The following GIGYF2 variants were observed in gnomAD, a reference collection of about 807,000 sequenced individuals.
GIGYF2 encodes the protein GRB10-interacting GYF protein 2.
Under a neutral mutation model 208.1 loss-of-function variants are expected in GIGYF2, and 25 were observed. That is an observed-to-expected ratio of 0.12 (90% CI 0.09 to 0.17). The LOEUF (loss-of-function observed/expected upper bound fraction) is 0.17. Among genes scored for constraint, GIGYF2 ranks in the 10% least tolerant of loss-of-function variants. GIGYF2 has a pLI of 1.00. For synonymous variants in GIGYF2, 534 were observed against 543.8 expected (o/e 0.98, Z 0.25); for missense variants, 1,302 against 1,579.4 (o/e 0.82, Z 2.98).
intron 8 of GIGYF2, among the ~76,000 whole-genome samples, chr2:232,773,363 A>G (rs886076386): frequency 1.3e-5 from 2 of 152,196 alleles, no homozygotes; most frequent in Non-Finnish European, 2.9e-5. Context: ...CCATTTTCAG[A>G]TGAAGTCACT....
At chr2:232,829,070 A>T (rs1701337715) in intron 21 of GIGYF2, among the ~76,000 whole-genome samples, 1 of 152,168 alleles carries the variant, frequency 6.6e-6, no homozygotes, top group Non-Finnish European at 1.5e-5. Context: ...ATTTTTTCAA[A>T]ATTAGCCATG....
chr2:232,773,195 C>G (rs980119672), intron 8 of GIGYF2, among the ~76,000 whole-genome samples: 10 of 152,114 alleles, frequency 6.6e-5, no homozygotes, highest in African/African-American at 2.4e-4. Flanking sequence ...GGCATAGCTA[C>G]TTAATGACCC....
At chr2:232,811,417 G>T (rs2106385217) in intron 17 of GIGYF2, 66 bp downstream of exon 17, 1 of 949,104 alleles carries the variant, frequency 1.1e-6, no homozygotes, top group East Asian at 2.4e-5. Context: ...GAAGAAAGGA[G>T]AAATTCTGGT....
intron 2 of GIGYF2, among the ~76,000 whole-genome samples, chr2:232,706,783 A>C (rs1696131497): frequency 6.9e-6 from 1 of 143,918 alleles, no homozygotes; most frequent in Non-Finnish European, 1.5e-5. Flanking sequence ...CTGTCTCAAA[A>C]AATAAATAAA....
rs775636461 is a variant in GIGYF2, at chr2:232,839,929, C to G, written c.2847C>G (p.Ile949Met). 6.2e-7 allele frequency: 1 copy of G among 1,613,938 alleles called. No individual in the cohort carries two copies. The highest frequency in any genetic ancestry group is 8.5e-7 in the Non-Finnish European group (1 of 1,179,912). Residue 949 changes from isoleucine (I) to methionine (M), a missense_variant, in exon 23 of 29, where the codon ATC becomes ATG. Around this residue, in one of 8 missense-constraint regions of GIGYF2, gnomAD observed 701 missense variants for 793.0 expected, o/e 0.88. Coordinates refer to ENST00000373563, the MANE Select transcript of GIGYF2 (RefSeq NM_001103146.3). ...QSQATLSLAE[I>M]QKLEEERERQ... ...AGGCCACGCTGTCGTTGGCTGAAAT[C>G]CAAAAACTAGAGGAAGAACGAGAAC...
chr2:232,756,495 T>A (rs962564566), intron 6 of GIGYF2, among the ~76,000 whole-genome samples, 161 bp downstream of exon 6: 1 of 152,204 alleles, frequency 6.6e-6, no homozygotes, highest in Non-Finnish European at 1.5e-5. Context: ...TTTTTAGAGG[T>A]ATCTCCTCTA....
rs769022021 is a variant in GIGYF2, at chr2:232,850,301, G to A, written c.3724G>A (p.Val1242Ile). ...WGMNHSTLHS[V>I]FQTNQSNNQQ... ...GATGAACCACAGTACACTCCATTCA[G>A]TATTTCAGACCAATCAAAGCAACAA... Residue 1242 changes from valine (V) to isoleucine (I), a missense_variant, in exon 28 of 29, where the codon GTA (valine) becomes ATA (isoleucine). By Grantham distance (29) the Val-to-Ile change is conservative. Coordinates refer to ENST00000373563, the MANE Select transcript of GIGYF2 (RefSeq NM_001103146.3). 24 of 1,613,522 alleles carry A rather than the reference G, an allele frequency of 1.5e-5. No individual in the cohort carries two copies. The highest frequency in any genetic ancestry group is 1.8e-5 in the Non-Finnish European group (21 of 1,179,542).
chr2:232,722,475 G>A (rs1696991085), intron 2 of GIGYF2: 1 of 152,188 alleles, frequency 6.6e-6, no homozygotes, highest in Admixed American at 6.5e-5. Flanking sequence ...GGGGTTTACA[G>A]GGATTACAAT....
intron 20 of GIGYF2, 145 bp from the exon 21 acceptor site, chr2:232,819,682 A>T: frequency 1.6e-6 from 1 of 612,904 alleles, no homozygotes; most frequent in South Asian, 2.1e-5. Context: ...TATACTTTTT[A>T]CTCCAGATCA....
chr2:232,812,120 A>G (rs1009312540), intron 17 of GIGYF2, among the ~76,000 whole-genome samples: 3 of 152,200 alleles, frequency 2.0e-5, no homozygotes, highest in African/African-American at 4.8e-5. Flanking sequence ...TAAGATATAC[A>G]TATCTTTTAA....
chr2:232,808,773 A>C (rs577410813), intron 15 of GIGYF2, among the ~76,000 whole-genome samples: 3 of 152,174 alleles, frequency 2.0e-5, no homozygotes, highest in South Asian at 4.1e-4. Context: ...AACTTTTTAT[A>C]ATTTAAATTC....
chr2:232,801,239 A>G (rs1437906181), intron 14 of GIGYF2, among the ~76,000 whole-genome samples: 1 of 152,120 alleles, frequency 6.6e-6, no homozygotes, highest in Non-Finnish European at 1.5e-5. Context: ...TTAAATAGTC[A>G]TATAAGGGGC....
At chr2:232,769,498 T>TC (rs1699137269) in intron 8 of GIGYF2, among the ~76,000 whole-genome samples, 1 of 105,816 alleles carries the variant, frequency 9.5e-6, no homozygotes, top group African/African-American at 3.7e-5. Flanking sequence ...AGAGGAAGAC[T>TC]CCATCTCAAA....
Position 232,747,670 on chromosome 2 carries a change from T to C in GIGYF2, c.97T>C (p.Leu33=), listed in dbSNP as rs1206269686. Residue 33 remains leucine (L), a synonymous_variant, in exon 4 of 29, where the codon TTG becomes CTG. Coordinates refer to ENST00000373563, the MANE Select transcript of GIGYF2 (RefSeq NM_001103146.3). ...SITSPPLSPA[L]PKYKLADYRY... is the part of the protein sequence containing the mutation. ...TACATCCCCTCCTCTTTCTCCAGCA[T>C]TGCCGAAGTATAAATTAGCAGATTA... is the stretch of plus-strand genomic sequence containing the variant. The C allele has an allele frequency of 3.1e-6, 5 of 1,613,746 alleles. No homozygotes were observed. The highest frequency in any genetic ancestry group is 4.2e-6 in the Non-Finnish European group (5 of 1,179,758).
At chr2:232,802,491 A>G (rs1463522146) in intron 14 of GIGYF2, among the ~76,000 whole-genome samples, 1 of 152,154 alleles carries the variant, frequency 6.6e-6, no homozygotes, top group African/African-American at 2.4e-5. Flanking sequence ...TAAGATGACC[A>G]TGTGGTTTTT....
chr2:232,727,195 G>A (rs543806757), intron 2 of GIGYF2, among the ~76,000 whole-genome samples: 441 of 152,236 alleles, frequency 2.9e-3, no homozygotes, highest in African/African-American at 9.9e-3. Context: ...TGAACTCCTG[G>A]CCTCAACTTG....
At chr2:232,750,634 A>G (rs78571328) in intron 5 of GIGYF2, among the ~76,000 whole-genome samples, 2,741 of 151,842 alleles carry the variant, frequency 0.018, 90 homozygotes, top group African/African-American at 0.063. Context: ...ATGTTTATTC[A>G]TCATTTATAT....
At chr2:232,849,122 A>T (rs186639289) in intron 27 of GIGYF2, among the ~76,000 whole-genome samples, 1 of 152,286 alleles carries the variant, frequency 6.6e-6, no homozygotes, top group Non-Finnish European at 1.5e-5. Context: ...AACAGGCATA[A>T]ATTGAAGGAA....
Position 232,795,737 on chromosome 2 carries a change from AAAAC to A in GIGYF2, c.1480-317_1480-314del, listed in dbSNP as rs150815817. ...ACGTGATGAGATCTCATCTCTATTA[AAAAC>A]AAACAAAGTACTCTTACTAGTGTTG... On this transcript the variant is annotated intron_variant, in intron 13 of 28. Coordinates refer to ENST00000373563, the MANE Select transcript of GIGYF2 (RefSeq NM_001103146.3). 1.1e-3 allele frequency among the ~76,000 whole-genome samples: 162 copies of A among 152,236 alleles called. 3 individuals carry two copies. The East Asian group carries it at 0.021, about 19-fold the overall frequency.
Sources: allele counts gnomAD v4.1 joint callset (sites outside exome capture counted in the v4.1 genomes callset), GRCh38; gene constraint gnomAD v4.1.1; regional missense constraint gnomAD v4.1.1; transcripts MANE v1.5; gene names NCBI Gene and HGNC (gene_info 2026-07-23, HGNC 2026-07-21).